Variants in MGAT4A observed in about 807,000 individuals in gnomAD.
The protein encoded by MGAT4A is N-acetylglucosaminyltransferase IVa.
A neutral mutation model predicts 74.1 loss-of-function variants in MGAT4A; 33 were observed. The observed-to-expected ratio is 0.45, with a 90% CI of 0.34 to 0.60. The LOEUF (loss-of-function observed/expected upper bound fraction) is 0.60. MGAT4A is among the 20% of genes least tolerant of loss of function. MGAT4A has a pLI of 0.02. For synonymous variants in MGAT4A, 198 were observed against 210.4 expected (o/e 0.94, Z 0.51); for missense variants, 479 against 628.3 (o/e 0.76, Z 2.54).
rs548657956 is a variant in MGAT4A, at chr2:98,672,789, G to T, written c.403+2246C>A. 1.2e-4 allele frequency among the ~76,000 whole-genome samples: 19 copies of T among 152,164 alleles called. No homozygotes were observed. The South Asian group carries it at 4.0e-3, about 32-fold the overall frequency. On this transcript the variant is annotated intron_variant, in intron 4 of 15. Coordinates refer to ENST00000393487, the MANE Select transcript of MGAT4A (RefSeq NM_012214.3). ...ATTCCATATCAGTCCCTCGATGTAG[G>T]ATTTTTAAATATAATCATTGAAATC...
intron 4 of MGAT4A, among the ~76,000 whole-genome samples, chr2:98,671,084 C>T (rs748761631): frequency 3.1e-4 from 47 of 152,262 alleles, no homozygotes; most frequent in Admixed American, 6.5e-4. Flanking sequence ...ATCCAGAAAC[C>T]CTGGGTTCAT....
intron 10 of MGAT4A, among the ~76,000 whole-genome samples, chr2:98,643,283 C>T (rs1239344058): frequency 6.6e-6 from 1 of 152,148 alleles, no homozygotes; most frequent in Non-Finnish European, 1.5e-5. Context: ...CTTGGGCTCC[C>T]AAGGTGCTGG....
intron 4 of MGAT4A, among the ~76,000 whole-genome samples, chr2:98,667,095 T>A (rs1260520274): frequency 3.2e-5 from 4 of 126,614 alleles, no homozygotes; most frequent in African/African-American, 1.0e-4. Context: ...CTGCACAAGC[T>A]TGCTCTCTGC....
chr2:98,652,996 T>A (rs932850857), intron 8 of MGAT4A, among the ~76,000 whole-genome samples: 1 of 151,328 alleles, frequency 6.6e-6, no homozygotes. Context: ...TAGAAGTCAA[T>A]AGCAGAAAAG....
intron 4 of MGAT4A, 56 bp from the exon 5 acceptor site, chr2:98,663,235 A>G: frequency 6.5e-7 from 1 of 1,531,280 alleles, no homozygotes; most frequent in Non-Finnish European, 8.8e-7. Flanking sequence ...ATACAGAAAA[A>G]CACTTCTATT....
intron 5 of MGAT4A, among the ~76,000 whole-genome samples, chr2:98,659,590 T>TG (rs2104265706): frequency 6.6e-6 from 1 of 152,346 alleles, no homozygotes; most frequent in East Asian, 1.9e-4. Context: ...AACTGAATCA[T>TG]GGGGGCAGTT....
intron 14 of MGAT4A, 36 bp from the exon 15 acceptor site, chr2:98,625,871 G>A (rs751341015): frequency 1.0e-5 from 15 of 1,439,494 alleles, no homozygotes; most frequent in Middle Eastern, 1.8e-4. Flanking sequence ...TGGATACACC[G>A]AGATAAGCAA....
At chr2:98,629,068 C>T (rs1351538720) in intron 14 of MGAT4A, among the ~76,000 whole-genome samples, 2 of 151,998 alleles carry the variant, frequency 1.3e-5, no homozygotes, top group African/African-American at 4.8e-5. Flanking sequence ...ACTTTTTTAG[C>T]CATTTAAAAA....
At chr2:98,690,600 CA>C (rs1196074309) in intron 2 of MGAT4A, among the ~76,000 whole-genome samples, 1 of 152,060 alleles carries the variant, frequency 6.6e-6, no homozygotes, top group Non-Finnish European at 1.5e-5. Flanking sequence ...GCCTTGGACA[CA>C]ACTGAAAATC....
chr2:98,628,774 ATTTT>A (rs566185879), intron 14 of MGAT4A, among the ~76,000 whole-genome samples: 1 of 151,826 alleles, frequency 6.6e-6, no homozygotes, highest in Admixed American at 6.6e-5. Context: ...AGTACTTGTA[ATTTT>A]TTTTTAAGTC....
Position 98,625,090 on chromosome 2 carries a change from T to C in MGAT4A, c.*476A>G. 1 of 959,016 alleles carries C rather than the reference T, an allele frequency of 1.0e-6. No homozygotes were observed. Among genetic ancestry groups the C allele is most frequent in the Non-Finnish European group, 1.2e-6 (1 of 805,882 alleles). 59.4% of individuals were successfully genotyped at this position (959,016 alleles called of 1,614,324 possible). On this transcript the variant is annotated 3_prime_UTR_variant, in exon 16 of 16. Transcript: ENST00000393487. The stretch of plus-strand genomic sequence containing the variant: ...GATTCAAAAATCTACTGCACAAAAA[T>C]ATGTACTTCTTAAGTGTTTCTAATA...
chr2:98,708,243 C>T (rs1702467448), intron 2 of MGAT4A, among the ~76,000 whole-genome samples: 1 of 152,014 alleles, frequency 6.6e-6, no homozygotes, highest in Admixed American at 6.5e-5. Context: ...GCTGGGATTA[C>T]AGGCGTGAGC....
At chr2:98,654,936 C>T (rs1055117104) in intron 8 of MGAT4A, among the ~76,000 whole-genome samples, 55 of 152,076 alleles carry the variant, frequency 3.6e-4, no homozygotes, top group Non-Finnish European at 2.2e-4. Context: ...TGTCTGTAAT[C>T]CCATGACATA....
At chr2:98,723,871 G>C (rs754328490) in intron 2 of MGAT4A, among the ~76,000 whole-genome samples, 17 of 152,160 alleles carry the variant, frequency 1.1e-4, no homozygotes, top group Non-Finnish European at 1.9e-4. Flanking sequence ...CTTGAATGAG[G>C]CTGCCTGAAT....
At chr2:98,632,956 C>T (rs1701263816) in intron 14 of MGAT4A, among the ~76,000 whole-genome samples, 1 of 152,186 alleles carries the variant, frequency 6.6e-6, no homozygotes, top group African/African-American at 2.4e-5. Flanking sequence ...GATAGGGTTT[C>T]ACCATGTTGG....
At chr2:98,650,056 C>G (rs1164200534) in intron 8 of MGAT4A, among the ~76,000 whole-genome samples, 1 of 151,966 alleles carries the variant, frequency 6.6e-6, no homozygotes, top group African/African-American at 2.4e-5. Flanking sequence ...GATGCATGAA[C>G]AAAATGAGAA....
intron 2 of MGAT4A, among the ~76,000 whole-genome samples, chr2:98,685,772 GACTTC>G (rs1702120616): frequency 6.6e-6 from 1 of 152,120 alleles, no homozygotes; most frequent in Non-Finnish European, 1.5e-5. Flanking sequence ...CAGAATTCTG[GACTTC>G]ACTTCCAGGG....
intron 2 of MGAT4A, among the ~76,000 whole-genome samples, chr2:98,678,733 T>C (rs1164184971): frequency 3.3e-5 from 5 of 152,116 alleles, no homozygotes; most frequent in East Asian, 1.9e-4. Context: ...CAGCACTTCA[T>C]ATAATTAAAG....
intron 8 of MGAT4A, among the ~76,000 whole-genome samples, chr2:98,647,804 C>CA (rs1701517120): frequency 6.6e-6 from 1 of 152,248 alleles, no homozygotes; most frequent in Admixed American, 6.5e-5. Flanking sequence ...ATCTCCCTTT[C>CA]CCCTGAGGGG....
Sources: gnomAD v4.1 joint callset for allele counts (sites outside exome capture counted in the v4.1 genomes callset) on GRCh38, gnomAD v4.1.1 for gene constraint, MANE v1.5 for transcripts, NCBI Gene and HGNC (gene_info 2026-07-23, HGNC 2026-07-21) for gene names.